HMCN2: variants seen among roughly 807,000 people sequenced by gnomAD.
The protein encoded by HMCN2 is hemicentin 2, also known as hemicentin-2.
HMCN2 carries 325 observed loss-of-function variants against 377.5 expected under a neutral mutation model. The observed-to-expected ratio is 0.86, with a 90% confidence interval of 0.79 to 0.94. The LOEUF (loss-of-function observed/expected upper bound fraction) is 0.94, where lower values mean the gene tolerates loss of function less well. Among genes scored for constraint, HMCN2 ranks in the 40% least tolerant of loss-of-function variants. The pLI is 0.00. For missense variants in HMCN2, 4,543 were observed against 4,725.3 expected (o/e 0.96, Z 1.13); for synonymous variants, 2,007 against 2,046.8 (o/e 0.98, Z 0.53).
intron 7 of HMCN2, 65 bp downstream of exon 7, chr9:130,296,859 G>A (rs1554932370): frequency 2.2e-6 from 1 of 459,936 alleles, no homozygotes; most frequent in African/African-American, 2.0e-5. Context: ...TTGGCTTTGG[G>A]AAGTAGGGGG....
rs951904023 is a variant in HMCN2, at chr9:130,347,564, A to G, written c.4024+204A>G. ...CACAGGAGAATCAGGTCCTGCCACC[A>G]GGTGCCAGTGACAGGGAGGGCTTGA... is the stretch of plus-strand genomic sequence containing the variant. On this transcript the variant is annotated intron_variant, in intron 26 of 97. Transcript: ENST00000683500. The surrounding 1 kb of genome is among the most constrained non-coding windows in gnomAD (Gnocchi z 5.1). Among the ~76,000 whole-genome samples, 1 of 152,178 alleles carries G rather than the reference A, an allele frequency of 6.6e-6. No individual in the cohort carries two copies. The highest frequency in any genetic ancestry group is 2.4e-5 in the African/African-American group (1 of 41,432).
At chr9:130,424,659 C>A (rs1844221242) in intron 87 of HMCN2, 117 bp from the exon 88 acceptor site, 3 of 1,098,408 alleles carry the variant, frequency 2.7e-6, no homozygotes, top group Non-Finnish European at 3.6e-6. Flanking sequence ...GTATGGACAT[C>A]AAGGGAAGGG....
chr9:130,424,167 A>ATT (rs1404374578), intron 87 of HMCN2, among the ~76,000 whole-genome samples: 38 of 97,130 alleles, frequency 3.9e-4, no homozygotes, highest in African/African-American at 1.5e-3. Flanking sequence ...ATATATATAT[A>ATT]TATTTTTTTT....
At chr9:130,398,153 C>CAAAAAAAAAAAAAAAAAA (rs397940740) in intron 74 of HMCN2, among the ~76,000 whole-genome samples, 1 of 33,940 alleles carries the variant, frequency 2.9e-5, no homozygotes, top group Non-Finnish European at 5.5e-5. Context: ...ACTCCGTCTA[C>CAAAAAAAAAAAAAAAAAA]AAAAAAAAAA....
intron 41 of HMCN2, 54 bp downstream of exon 41, chr9:130,364,943 G>A: frequency 9.3e-6 from 9 of 962,592 alleles, no homozygotes; most frequent in Non-Finnish European, 1.1e-5. Flanking sequence ...CAAGGGCAGG[G>A]TGGGGCCTGC....
At position 130,347,150 on chromosome 9, in the gene HMCN2, C is replaced by G. The variant is rs1385272561; in HGVS notation, c.3830-16C>G. The G allele has an allele frequency of 1.3e-5, 2 of 152,196 alleles. No individual in the cohort carries two copies. Among genetic ancestry groups the G allele is most frequent in the Non-Finnish European group, 2.9e-5 (2 of 68,076 alleles). 9.4% of individuals were successfully genotyped at this position (152,196 alleles called of 1,614,324 possible). On this transcript the variant is annotated splice_polypyrimidine_tract_variant and intron_variant, in intron 25 of 97. Transcript: ENST00000683500. This position sits in a 1 kb window ranked among gnomAD's most constrained non-coding sequence, Gnocchi z 5.1. ...TGTCAGGGTGTTTGTACTGATGACT[C>G]CATGCACCCTGCCAGGAACGCCCAA...
At chr9:130,372,031 C>A (rs1246464955) in intron 46 of HMCN2, among the ~76,000 whole-genome samples, 2 of 152,190 alleles carry the variant, frequency 1.3e-5, no homozygotes, top group African/African-American at 4.8e-5. Context: ...TCCCCAGAGC[C>A]AGGGGTGGCC....
intron 22 of HMCN2, among the ~76,000 whole-genome samples, chr9:130,331,122 C>T (rs1353394900): frequency 4.6e-5 from 7 of 151,374 alleles, no homozygotes; most frequent in African/African-American, 1.7e-4. Context: ...CGTGCCATCG[C>T]ACTCCATCCT....
chr9:130,427,968 G>T (rs1461273385), intron 92 of HMCN2, among the ~76,000 whole-genome samples: 2 of 152,190 alleles, frequency 1.3e-5, no homozygotes, highest in Non-Finnish European at 2.9e-5. Context: ...CAAGTGAGTT[G>T]TCCCCCTCAG....
chr9:130,425,027 C>T lies in HMCN2; in HGVS notation c.13538C>T (p.Thr4513Ile), dbSNP rs1844245379. Residue 4513 changes from threonine to isoleucine, a missense_variant, in exon 89 of 98, where the codon ACC becomes ATC. Thr to Ile is a moderately conservative substitution (Grantham distance 89, BLOSUM62 -1). Around this residue, in one of 5 missense-constraint regions of HMCN2, gnomAD observed 1,155 missense variants for 1,157.7 expected, o/e 1.00. Transcript: ENST00000683500. ...EFATGELLTMTQVARGLDPDG... is the reference protein window; with the variant it reads ...EFATGELLTMIQVARGLDPDG... ...TTTGCAGGGGAGCTGCTCACGATGA[C>T]CCAGGTGGCCCGGGGTCTGGATCCC... The T allele has an allele frequency of 6.5e-7, 1 of 1,548,434 alleles. No individual in the cohort carries two copies. Among genetic ancestry groups the T allele is most frequent in the Non-Finnish European group, 8.7e-7 (1 of 1,145,864 alleles).
intron 95 of HMCN2, 153 bp from the exon 96 acceptor site, chr9:130,431,214 C>T (rs1844730815): frequency 3.9e-6 from 3 of 763,740 alleles, no homozygotes; most frequent in Admixed American, 2.6e-5. Context: ...ACTCCCCCAA[C>T]CCCTGAACCT....
chr9:130,333,011 A>G (rs1286342671), intron 22 of HMCN2, among the ~76,000 whole-genome samples: 2 of 151,564 alleles, frequency 1.3e-5, no homozygotes, highest in Non-Finnish European at 2.9e-5. Context: ...CAGTATTGAG[A>G]TGGTGGAAGG....
intron 25 of HMCN2, among the ~76,000 whole-genome samples, chr9:130,344,900 T>G (rs1232531767): frequency 9.8e-5 from 12 of 122,616 alleles, no homozygotes; most frequent in Non-Finnish European, 1.6e-4. Flanking sequence ...GTGTATGTGG[T>G]GTGTGTGTGT....
Position 130,369,648 on chromosome 9 carries a change from G to A in HMCN2, c.6866G>A (p.Cys2289Tyr), listed in dbSNP as rs1840904884. Residue 2289 changes from cysteine to tyrosine, a missense_variant, in exon 45 of 98, where the codon TGC (cysteine) becomes TAC (tyrosine). Cys to Tyr is a radical substitution (Grantham distance 194). Around this residue, in one of 5 missense-constraint regions of HMCN2, gnomAD observed 1,032 missense variants for 1,285.1 expected, o/e 0.80. Coordinates refer to ENST00000683500, the MANE Select transcript of HMCN2 (RefSeq NM_001291815.2). The surrounding 1 kb of genome is among the most constrained non-coding windows in gnomAD (Gnocchi z 4.5). ...CAGGATGGAGTGGCCACTCTGGAGT[G>A]CAACGCCACAGGGAAACCCCCTCCG... ...VVQDGVATLE[C>Y]NATGKPPPTV... The A allele has an allele frequency of 1.0e-6, 1 of 985,932 alleles. No individual in the cohort carries two copies. The highest frequency in any genetic ancestry group is 1.1e-4 in the East Asian group (1 of 8,822). 61.1% of individuals were successfully genotyped at this position (985,932 alleles called of 1,614,324 possible).
intron 40 of HMCN2, among the ~76,000 whole-genome samples, chr9:130,364,302 C>A (rs530349254): frequency 6.6e-6 from 1 of 152,360 alleles, no homozygotes; most frequent in East Asian, 1.9e-4. Flanking sequence ...AGTTCTCCCC[C>A]TGGACCCTGC....
At chr9:130,275,888 C>G (rs1175642165) in intron 1 of HMCN2, among the ~76,000 whole-genome samples, 10 of 129,124 alleles carry the variant, frequency 7.7e-5, no homozygotes, top group Admixed American at 7.7e-4. Flanking sequence ...CTGAGCGGCC[C>G]GTGAGGTGTG....
chr9:130,397,479 C>G (rs769747419), intron 73 of HMCN2, 49 bp from the exon 74 acceptor site: 16 of 1,283,496 alleles, frequency 1.2e-5, no homozygotes, highest in Non-Finnish European at 1.6e-5. Context: ...AGCCTTGCTC[C>G]AGACCCCACT....
Position 130,358,487 on chromosome 9 carries a change from G to A in HMCN2, c.5677+1G>A, listed in dbSNP as rs1038555543. The A allele has an allele frequency of 2.3e-6, 3 of 1,304,272 alleles. No individual in the cohort carries two copies. The highest frequency in any genetic ancestry group is 3.0e-5 in the African/African-American group (2 of 65,880). 80.8% of individuals were successfully genotyped at this position (1,304,272 alleles called of 1,614,324 possible). ...AGGGAAGTGGCGCTGAAAGTTTTGG[G>A]TGAGGACGTGGGTAACCAGCAGGGC... On this transcript the variant is annotated splice_donor_variant, in intron 36 of 97. Transcript: ENST00000683500. LOFTEE classifies it high-confidence loss of function.
At chr9:130,429,717 C>T (rs1844624202) in intron 94 of HMCN2, 32 bp downstream of exon 94, 2 of 1,304,242 alleles carry the variant, frequency 1.5e-6, no homozygotes, top group South Asian at 3.0e-5. Flanking sequence ...GGCCACACCG[C>T]TGCAGCTGCC....
Sources: allele counts gnomAD v4.1 joint callset (sites outside exome capture counted in the v4.1 genomes callset), GRCh38; gene constraint gnomAD v4.1.1; regional missense constraint gnomAD v4.1.1; non-coding constraint Gnocchi (gnomAD v3.1); transcripts MANE v1.5; gene names NCBI Gene and HGNC (gene_info 2026-07-23, HGNC 2026-07-21).